SOS1: variants seen among roughly 807,000 people sequenced by gnomAD.
The protein encoded by SOS1 is son of sevenless homolog 1.
SOS1 carries 25 observed loss-of-function variants against 157.6 expected under a neutral mutation model. That is an observed-to-expected ratio of 0.16 (90% CI 0.12 to 0.22). The LOEUF is 0.22. SOS1 is among the 10% of genes least tolerant of loss of function. SOS1 has a pLI of 1.00. For missense variants in SOS1, 1,237 were observed against 1,599.1 expected (o/e 0.77, Z 3.86); for synonymous variants, 528 against 534.0 (o/e 0.99, Z 0.16).
intron 1 of SOS1, among the ~76,000 whole-genome samples, chr2:39,102,936 C>T (rs1042383897): frequency 1.3e-5 from 2 of 151,816 alleles, no homozygotes; most frequent in African/African-American, 4.8e-5. Flanking sequence ...GTCTGGGTGA[C>T]AGGGCGAGAC....
chr2:39,040,008 TTTTTTTA>T (rs1256584526), intron 6 of SOS1, among the ~76,000 whole-genome samples: 5 of 152,076 alleles, frequency 3.3e-5, no homozygotes, highest in Admixed American at 6.6e-5. Context: ...CCCCCTTTTA[TTTTTTTA>T]TTTTTTATTT....
chr2:39,105,816 C>G (rs541999728), intron 1 of SOS1, among the ~76,000 whole-genome samples: 2 of 152,252 alleles, frequency 1.3e-5, no homozygotes, highest in African/African-American at 4.8e-5. Context: ...AGGAGAGTCA[C>G]TAGAACTCTG....
At chr2:39,102,138 G>A (rs1247414877) in intron 1 of SOS1, among the ~76,000 whole-genome samples, 2 of 138,716 alleles carry the variant, frequency 1.4e-5, no homozygotes, top group Non-Finnish European at 3.1e-5. Context: ...CTGGGAGGCA[G>A]AGGTTGCAGT....
intron 1 of SOS1, among the ~76,000 whole-genome samples, chr2:39,079,122 T>A (rs1672117668): frequency 7.1e-4 from 1 of 1,414 alleles, no homozygotes. Context: ...CTCTTATATG[T>A]GCACAACAGA....
intron 8 of SOS1, among the ~76,000 whole-genome samples, chr2:39,033,281 C>T (rs1670232346): frequency 6.6e-6 from 1 of 151,054 alleles, no homozygotes; most frequent in African/African-American, 2.4e-5. Flanking sequence ...ATTTCCTGCC[C>T]AATATACTGC....
At chr2:39,120,289 G>A (rs747951025) in intron 1 of SOS1, 47 bp downstream of exon 1, 1 of 1,514,550 alleles carries the variant, frequency 6.6e-7, no homozygotes, top group Non-Finnish European at 8.9e-7. Context: ...CCCAGCGCCC[G>A]CGCTGGGGGG....
chr2:39,001,339 A>G (rs945566445), intron 17 of SOS1, among the ~76,000 whole-genome samples: 2 of 152,236 alleles, frequency 1.3e-5, no homozygotes, highest in Admixed American at 6.5e-5. Context: ...CTGGGATTAC[A>G]GGCTTGAGCC....
At chr2:39,123,904 C>T (rs1673983341), upstream of SOS1, among the ~76,000 whole-genome samples, 2 of 152,194 alleles carry the variant, frequency 1.3e-5, no homozygotes, top group Admixed American at 1.3e-4. Context: ...CTAAGATCCC[C>T]TTCAACTCCG....
chr2:39,089,124 C>T (rs1008676047), intron 1 of SOS1, among the ~76,000 whole-genome samples: 1 of 152,140 alleles, frequency 6.6e-6, no homozygotes, highest in African/African-American at 2.4e-5. Flanking sequence ...GACAGAGTGG[C>T]CAGTTAAGAG....
intron 18 of SOS1, 75 bp downstream of exon 18, chr2:38,997,178 T>A (rs1668923096): frequency 7.1e-6 from 9 of 1,274,048 alleles, no homozygotes; most frequent in African/African-American, 3.0e-5. Context: ...TTCTCCCCTA[T>A]AAAATAAACC....
Position 39,067,750 on chromosome 2 carries a change from G to C in SOS1, c.91C>G (p.Gln31Glu). The C allele has an allele frequency of 6.2e-7, 1 of 1,611,978 alleles. No individual in the cohort carries two copies. The highest frequency in any genetic ancestry group is 8.5e-7 in the Non-Finnish European group (1 of 1,178,104). Residue 31 changes from glutamine to glutamate, a missense_variant, in exon 2 of 23, where the codon CAG (glutamine) becomes GAG (glutamate). Transcript: ENST00000402219. ...GLLVPALKKVQGQVHPTLESN... is the reference protein window; with the variant it reads ...GLLVPALKKVEGQVHPTLESN... The stretch of plus-strand genomic sequence containing the variant: ...TCGAGAGTAGGATGAACTTGCCCCT[G>C]GACCTATAAACAAAAAGCAAAGTAA...
chr2:39,094,476 T>C (rs778231796), intron 1 of SOS1, among the ~76,000 whole-genome samples: 43 of 151,976 alleles, frequency 2.8e-4, no homozygotes, highest in Non-Finnish European at 5.1e-4. Context: ...TGAAACCCCG[T>C]CTCTACTAAA....
intron 2 of SOS1, among the ~76,000 whole-genome samples, chr2:39,063,007 C>G (rs1258938976): frequency 6.6e-6 from 1 of 152,044 alleles, no homozygotes; most frequent in Admixed American, 6.6e-5. Context: ...TACAGTTGGC[C>G]TTCCATATCC....
At chr2:39,102,877 C>T (rs192945152) in intron 1 of SOS1, among the ~76,000 whole-genome samples, 3 of 152,138 alleles carry the variant, frequency 2.0e-5, no homozygotes, top group South Asian at 2.1e-4. Context: ...ATTGCTGGAG[C>T]CCAGGAAGTT....
Position 39,013,913 on chromosome 2 carries a change from C to G in SOS1, c.2017G>C (p.Glu673Gln). The change falls in exon 12 of 23, where the codon GAA becomes CAA. Residue 673 changes from glutamate to glutamine, a missense_variant. Glu to Gln is a conservative substitution (Grantham distance 29, BLOSUM62 2). Transcript: ENST00000402219. ...TATTCTTTTCTAAATCTTTTCAGTT[C>G]TGCACTCAAGGGTTGATCTCCATTC... is the stretch of plus-strand genomic sequence containing the variant. The part of the protein sequence containing the change: ...IENGDQPLSA[E>Q]LKRFRKEYIQ... 4 of 1,608,268 alleles carry G rather than the reference C, an allele frequency of 2.5e-6. No individual in the cohort carries two copies. The highest frequency in any genetic ancestry group is 3.4e-6 in the Non-Finnish European group (4 of 1,175,154).
chr2:39,093,928 A>G (rs1347200919), intron 1 of SOS1, among the ~76,000 whole-genome samples: 3 of 152,238 alleles, frequency 2.0e-5, no homozygotes, highest in Non-Finnish European at 2.9e-5. Flanking sequence ...GACATTAAAG[A>G]AAAATACAGT....
intron 11 of SOS1, 29 bp downstream of exon 11, chr2:39,014,732 TAATG>T (rs971763068): frequency 1.7e-6 from 2 of 1,176,570 alleles, no homozygotes; most frequent in African/African-American, 3.1e-5. Flanking sequence ...TAACAAAAAA[TAATG>T]AATTTAAATA....
At chr2:39,039,385 G>A (rs767752424) in intron 6 of SOS1, among the ~76,000 whole-genome samples, 5 of 152,090 alleles carry the variant, frequency 3.3e-5, no homozygotes, top group South Asian at 2.1e-4. Flanking sequence ...TGATTATATC[G>A]ATTTATATAC....
intron 1 of SOS1, among the ~76,000 whole-genome samples, chr2:39,069,484 T>C (rs1219240304): frequency 6.6e-6 from 1 of 152,188 alleles, no homozygotes; most frequent in Non-Finnish European, 1.5e-5. Flanking sequence ...GCAAATAGCA[T>C]TGTAACAATC....
Sources: gnomAD v4.1 joint callset for allele counts (sites outside exome capture counted in the v4.1 genomes callset) on GRCh38, gnomAD v4.1.1 for gene constraint, MANE v1.5 for transcripts, NCBI Gene and HGNC (gene_info 2026-07-23, HGNC 2026-07-21) for gene names.